VPS53: variants seen among roughly 807,000 people sequenced by gnomAD.
VPS53 encodes vacuolar protein sorting-associated protein 53 homolog.
In VPS53, 70 loss-of-function variants were observed where a neutral mutation model predicts 107.0. That is an observed-to-expected ratio of 0.65 (90% confidence interval 0.54 to 0.80). The LOEUF is 0.80. Ranked by LOEUF, VPS53 falls within the 30% of genes least tolerant of loss-of-function variation. The pLI is 0.00. For missense variants in VPS53, 917 were observed against 1,049.4 expected (o/e 0.87, Z 1.74); for synonymous variants, 409 against 393.3 (o/e 1.04, Z -0.47).
At chr17:685,711 A>C (rs1972561610) in intron 4 of VPS53, among the ~76,000 whole-genome samples, 1 of 152,186 alleles carries the variant, frequency 6.6e-6, no homozygotes, top group South Asian at 2.1e-4. Context: ...GATTGAGAAA[A>C]ATCTGGAAAC....
Position 521,629 on chromosome 17 carries a change from C to G in VPS53, c.2195G>C (p.Gly732Ala). 1.3e-6 allele frequency: 2 copies of G among 1,550,698 alleles called. No individual in the cohort carries two copies. Among genetic ancestry groups the G allele is most frequent in the Non-Finnish European group, 1.7e-6 (2 of 1,146,130 alleles). ...GAGGATCATCTCAGCCCGGGTCATG[C>G]CTTTGACAACGATCTTGGTGTAGCT... is the stretch of plus-strand genomic sequence containing the variant. ...PASYTKIVVK[G>A]MTRAEMILKV... The change falls in exon 20 of 22, where the codon GGC (glycine) becomes GCC (alanine). Residue 732 changes from glycine (G) to alanine (A), a missense_variant. By Grantham distance (60) the Gly-to-Ala change is moderately conservative. Coordinates refer to ENST00000437048, the MANE Select transcript of VPS53 (RefSeq NM_001128159.3).
intron 4 of VPS53, among the ~76,000 whole-genome samples, chr17:663,382 C>T (rs927279400): frequency 6.6e-6 from 1 of 152,224 alleles, no homozygotes; most frequent in African/African-American, 2.4e-5. Context: ...TGCCAGCAGG[C>T]CACAGACGTG....
chr17:615,430 C>G (rs1483425156), intron 11 of VPS53, among the ~76,000 whole-genome samples: 1 of 152,146 alleles, frequency 6.6e-6, no homozygotes, highest in Non-Finnish European at 1.5e-5. Context: ...GCCACACTCT[C>G]AAGCTCATCC....
At chr17:663,632 C>CAGGCCACGGATGTGTAT (rs569068947) in intron 4 of VPS53, among the ~76,000 whole-genome samples, 2 of 152,216 alleles carry the variant, frequency 1.3e-5, no homozygotes, top group Non-Finnish European at 2.9e-5. Context: ...AGCGTGTCAG[C>CAGGCCACGGATGTGTAT]AGGCCACGGA....
At position 518,511 on chromosome 17, in the gene VPS53, TC is replaced by T. The variant is rs1908467258; in HGVS notation, c.*616del. 1 of 151,976 alleles carries T rather than the reference TC, an allele frequency of 6.6e-6. No individual in the cohort carries two copies. Among genetic ancestry groups the T allele is most frequent in the African/African-American group, 2.4e-5 (1 of 41,360 alleles). 9.4% of individuals were successfully genotyped at this position (151,976 alleles called of 1,614,324 possible). ...TTGAGAGTATGGACTTCCTGGGCGT[TC>T]CCATGGCTTCATCTGATGAGAAAAC... On this transcript the variant is annotated 3_prime_UTR_variant, in exon 22 of 22. Coordinates refer to ENST00000437048, the MANE Select transcript of VPS53 (RefSeq NM_001128159.3).
At chr17:581,417 A>G (rs1042385221) in intron 13 of VPS53, among the ~76,000 whole-genome samples, 1 of 151,036 alleles carries the variant, frequency 6.6e-6, no homozygotes, top group African/African-American at 2.4e-5. Context: ...TCAGAACCTA[A>G]TGCATTCCCA....
chr17:529,391 C>A (rs1909353331), intron 19 of VPS53, among the ~76,000 whole-genome samples: 1 of 102,002 alleles, frequency 9.8e-6, no homozygotes, highest in East Asian at 3.9e-4. Context: ...AATTCACACA[C>A]ACACACTCAC....
chr17:699,379 G>C lies in VPS53; in HGVS notation c.170C>G (p.Ser57Cys). Residue 57 changes from serine to cysteine, a missense_variant and splice_region_variant, in exon 3 of 22, where the codon TCT becomes TGT. Physicochemically the swap from Ser to Cys is moderately radical, Grantham distance 112 (BLOSUM62 -1). Coordinates refer to ENST00000437048, the MANE Select transcript of VPS53 (RefSeq NM_001128159.3). Reference protein sequence around the residue: ...YINTLFPTEQSLANIDEVVNK... With the variant: ...YINTLFPTEQCLANIDEVVNK... ...CACGACTTCGTCTATGTTCGCCAGA[G>C]ACTACAATAAAGAAGGAAGAGTGCC... 6.4e-7 allele frequency: 1 copy of C among 1,563,430 alleles called. No individual in the cohort carries two copies. The highest frequency in any genetic ancestry group is 8.6e-7 in the Non-Finnish European group (1 of 1,159,728).
intron 16 of VPS53, 66 bp from the exon 17 acceptor site, chr17:552,016 AG>A: frequency 7.1e-7 from 1 of 1,415,772 alleles, no homozygotes; most frequent in Non-Finnish European, 9.6e-7. Context: ...ACTGACACTC[AG>A]GCCCCTGTGT....
At chr17:670,247 G>T (rs1971881433) in intron 4 of VPS53, among the ~76,000 whole-genome samples, 1 of 151,086 alleles carries the variant, frequency 6.6e-6, no homozygotes, top group African/African-American at 2.4e-5. Flanking sequence ...GGGCACTGGA[G>T]CCACAGCCTG....
rs1333895581 is a variant in VPS53, at chr17:642,871, C to T, written c.608+10420G>A. Among the ~76,000 whole-genome samples the T allele has an allele frequency of 3.5e-4, 50 of 141,716 alleles. 1 individual carries two copies. The highest frequency in any genetic ancestry group is 5.3e-4 in the Non-Finnish European group (34 of 64,470). The allele number at this position is 141,716 out of a possible 152,430, so 93.0% of individuals were successfully genotyped here. Reference sequence around the variant, plus strand: ...GAGGACAACACTCATACTTGGAAATCGAGGACAACACTCATACTTGGAAAT... The same window carrying T: ...GAGGACAACACTCATACTTGGAAATTGAGGACAACACTCATACTTGGAAAT... On this transcript the variant is annotated intron_variant, in intron 7 of 21. Coordinates refer to ENST00000437048, the MANE Select transcript of VPS53 (RefSeq NM_001128159.3).
rs151049797 is a variant in VPS53, at chr17:555,615, G to A, written c.1705-2153C>T. Among the ~76,000 whole-genome samples the A allele has an allele frequency of 5.2e-3, 791 of 152,304 alleles. 4 individuals carry two copies. Among genetic ancestry groups the A allele is most frequent in the Non-Finnish European group, 8.1e-3 (553 of 68,032 alleles). On this transcript the variant is annotated intron_variant, in intron 15 of 21. Coordinates refer to ENST00000437048, the MANE Select transcript of VPS53 (RefSeq NM_001128159.3). Reference sequence around the variant, plus strand: ...CTCCCAAAGTGCTGGGATTACAGGCGTGAGCCCCTGCACTCGGCCAGAGTA... The same window carrying A: ...CTCCCAAAGTGCTGGGATTACAGGCATGAGCCCCTGCACTCGGCCAGAGTA...
At chr17:634,120 C>T (rs971784191) in intron 7 of VPS53, among the ~76,000 whole-genome samples, 2 of 152,150 alleles carry the variant, frequency 1.3e-5, no homozygotes, top group African/African-American at 4.8e-5. Flanking sequence ...CTGGTGGGCC[C>T]GGCTCTGCCC....
intron 6 of VPS53, among the ~76,000 whole-genome samples, chr17:654,466 C>T (rs556229265): frequency 2.0e-5 from 3 of 151,648 alleles, no homozygotes; most frequent in South Asian, 2.1e-4. Context: ...TGGCCGGGCG[C>T]GGTGGCTCAA....
intron 11 of VPS53, among the ~76,000 whole-genome samples, chr17:604,016 C>G (rs1968445949): frequency 6.6e-6 from 1 of 152,198 alleles, no homozygotes; most frequent in Non-Finnish European, 1.5e-5. Context: ...AGCAAGTCAG[C>G]TAACTGAAGT....
At chr17:584,985 C>T (rs758614720) in intron 13 of VPS53, among the ~76,000 whole-genome samples, 10 of 152,144 alleles carry the variant, frequency 6.6e-5, no homozygotes, top group Non-Finnish European at 1.0e-4. Context: ...AATAGACAAT[C>T]GACATTTGGC....
Position 517,051 on chromosome 17 carries a change from T to C in VPS53, c.*2077A>G, listed in dbSNP as rs1250059442. Reference sequence around the variant, plus strand: ...AGACGGCTGAACTGGCTGTGCTATTTGGAGATGGGCCCCACCGCCCCTTTT... The same window carrying C: ...AGACGGCTGAACTGGCTGTGCTATTCGGAGATGGGCCCCACCGCCCCTTTT... On this transcript the variant is annotated 3_prime_UTR_variant, in exon 22 of 22. Transcript: ENST00000437048. 1 of 170,868 alleles carries C rather than the reference T, an allele frequency of 5.9e-6. No homozygotes were observed. The highest frequency in any genetic ancestry group is 1.2e-5 in the Non-Finnish European group (1 of 81,014). The allele number at this position is 170,868 out of a possible 1,614,324, so 10.6% of individuals were successfully genotyped here.
intron 13 of VPS53, among the ~76,000 whole-genome samples, chr17:566,470 C>T (rs569173756): frequency 2.0e-5 from 3 of 152,252 alleles, no homozygotes; most frequent in East Asian, 1.9e-4. Flanking sequence ...GCCCCCGGCC[C>T]GCCCGTCATG....
chr17:684,261 A>G (rs551627780), intron 4 of VPS53, among the ~76,000 whole-genome samples: 2 of 152,340 alleles, frequency 1.3e-5, no homozygotes, highest in Admixed American at 6.5e-5. Context: ...AAGGCAAAAA[A>G]TATTTTATTC....
Sources: allele counts gnomAD v4.1 joint callset (sites outside exome capture counted in the v4.1 genomes callset), GRCh38; gene constraint gnomAD v4.1.1; transcripts MANE v1.5; gene names NCBI Gene and HGNC (gene_info 2026-07-23, HGNC 2026-07-21).